ARHGAP21: variants seen among roughly 807,000 people sequenced by gnomAD.
ARHGAP21 encodes rho GTPase-activating protein 21.
Under a neutral mutation model 164.6 loss-of-function variants are expected in ARHGAP21, and 38 were observed. That is an observed-to-expected ratio of 0.23 (90% CI 0.18 to 0.30). The LOEUF (loss-of-function observed/expected upper bound fraction) is 0.30, where lower values mean the gene tolerates loss of function less well. ARHGAP21 is among the 10% of genes least tolerant of loss of function. The pLI is 1.00. For synonymous variants in ARHGAP21, 766 were observed against 857.9 expected (o/e 0.89, Z 1.87); for missense variants, 1,822 against 2,370.7 (o/e 0.77, Z 4.81).
chr10:24,657,770 G>A (rs2131632334), intron 4 of ARHGAP21, among the ~76,000 whole-genome samples: 1 of 98,538 alleles, frequency 1.0e-5, no homozygotes, highest in East Asian at 2.6e-4. Flanking sequence ...TGTGCTCTCT[G>A]AAACATGTGC....
chr10:24,598,201 G>A (rs1221547538), intron 14 of ARHGAP21, among the ~76,000 whole-genome samples, 192 bp from the exon 15 acceptor site: 1 of 152,074 alleles, frequency 6.6e-6, no homozygotes, highest in African/African-American at 2.4e-5. Context: ...TCCCAACATT[G>A]CCAAAGGGTT....
At chr10:24,602,251 T>C (rs1025118360) in intron 12 of ARHGAP21, 148 bp from the exon 13 acceptor site, 1 of 850,616 alleles carries the variant, frequency 1.2e-6, no homozygotes, top group Non-Finnish European at 1.7e-6. Context: ...TTTAAAAATT[T>C]CTAGTCTCAT....
intron 14 of ARHGAP21, among the ~76,000 whole-genome samples, chr10:24,600,317 G>T (rs2076762949): frequency 6.6e-6 from 1 of 151,956 alleles, no homozygotes. Flanking sequence ...TGTAACTTAA[G>T]CCCTACAACA....
chr10:24,636,502 A>G (rs961248379), intron 4 of ARHGAP21, among the ~76,000 whole-genome samples: 22 of 152,256 alleles, frequency 1.4e-4, no homozygotes, highest in African/African-American at 5.1e-4. Context: ...AGGCATATAC[A>G]TGTGTTGAGT....
intron 14 of ARHGAP21, among the ~76,000 whole-genome samples, chr10:24,599,161 C>T (rs7911872): frequency 0.1 from 15,779 of 152,206 alleles, 1,561 homozygotes; most frequent in East Asian, 0.3. Context: ...TGCATTATCT[C>T]ATTCAATCCT....
chr10:24,595,622 C>T, intron 19 of ARHGAP21, 95 bp downstream of exon 19: 1 of 1,290,262 alleles, frequency 7.8e-7, no homozygotes, highest in Non-Finnish European at 1.1e-6. Context: ...TTCCTTTGAC[C>T]AAGACATTTT....
chr10:24,658,205 G>A (rs1414922751), intron 4 of ARHGAP21, among the ~76,000 whole-genome samples: 2 of 152,180 alleles, frequency 1.3e-5, no homozygotes, highest in African/African-American at 2.4e-5. Context: ...AGAGAAACAG[G>A]AAAGCTTTTA....
chr10:24,617,302 C>A (rs941221701), intron 9 of ARHGAP21, among the ~76,000 whole-genome samples: 1 of 151,916 alleles, frequency 6.6e-6, no homozygotes, highest in African/African-American at 2.4e-5. Context: ...TTTACTACTC[C>A]AATGTAATCT....
Position 24,653,915 on chromosome 10 carries a change from G to GA in ARHGAP21, c.268+13069dup, listed in dbSNP as rs957141460. 1.3e-4 allele frequency among the ~76,000 whole-genome samples: 19 copies of GA among 151,716 alleles called. 1 individual carries two copies. In the South Asian group the frequency reaches 2.3e-3, roughly 18 times the overall value. On this transcript the variant is annotated intron_variant, in intron 4 of 25. Coordinates refer to ENST00000396432, the MANE Select transcript of ARHGAP21 (RefSeq NM_020824.4). ...CAGCAAAGGACATTACTAAGAAAGT[G>GA]AAAAAAAAGAAGGTGAAAAGACGAC...
intron 24 of ARHGAP21, chr10:24,589,545 C>A: frequency 2.2e-6 from 1 of 446,670 alleles, no homozygotes. Context: ...GCAAAGGAGC[C>A]CTGTGCTAAA....
chr10:24,593,553 T>G (rs938915422), intron 21 of ARHGAP21, among the ~76,000 whole-genome samples: 3 of 140,614 alleles, frequency 2.1e-5, no homozygotes, highest in African/African-American at 7.7e-5. Context: ...TAAAATAGTC[T>G]ACAGCTTATT....
chr10:24,717,791 G>A lies in ARHGAP21; in HGVS notation c.63+4046C>T, dbSNP rs370957258. Among the ~76,000 whole-genome samples, 8 of 152,226 alleles carry A rather than the reference G, an allele frequency of 5.3e-5. No individual in the cohort carries two copies. The East Asian group carries it at 5.8e-4, about 11-fold the overall frequency. On this transcript the variant is annotated intron_variant, in intron 2 of 25. Transcript: ENST00000396432. ...TAACGATCAGCTGGAGTACAGTGGCGCGATTTTGGCTACCTGCAACCTCTG... is the reference window on the plus strand; with the variant it reads ...TAACGATCAGCTGGAGTACAGTGGCACGATTTTGGCTACCTGCAACCTCTG...
At chr10:24,650,230 G>C (rs1373319840) in intron 4 of ARHGAP21, among the ~76,000 whole-genome samples, 1 of 152,154 alleles carries the variant, frequency 6.6e-6, no homozygotes, top group African/African-American at 2.4e-5. Flanking sequence ...TTGGAGCCAG[G>C]CGCAGTGGCT....
intron 24 of ARHGAP21, 168 bp from the exon 25 acceptor site, chr10:24,589,470 C>T (rs1255605849): frequency 2.4e-5 from 13 of 546,228 alleles, no homozygotes; most frequent in Non-Finnish European, 3.2e-6. Flanking sequence ...AGCTGCACCA[C>T]AGAAAGCCAC....
intron 15 of ARHGAP21, 113 bp from the exon 16 acceptor site, chr10:24,597,696 T>A: frequency 6.8e-7 from 1 of 1,460,408 alleles, no homozygotes; most frequent in Non-Finnish European, 9.2e-7. Flanking sequence ...ATTCTTGGAA[T>A]AAACAATTCA....
At chr10:24,663,026 T>C (rs764733644) in intron 4 of ARHGAP21, among the ~76,000 whole-genome samples, 63 of 151,906 alleles carry the variant, frequency 4.1e-4, no homozygotes, top group South Asian at 2.1e-4. Flanking sequence ...AAAAGCTGTG[T>C]TTCCAATACA....
intron 14 of ARHGAP21, among the ~76,000 whole-genome samples, chr10:24,599,838 A>T (rs1205088281): frequency 6.6e-6 from 1 of 152,222 alleles, no homozygotes; most frequent in African/African-American, 2.4e-5. Context: ...GTTCTGCATG[A>T]AAAAGAAATG....
rs148219422 is a variant in ARHGAP21, at chr10:24,700,742, A to C, written c.63+21095T>G. On this transcript the variant is annotated intron_variant, in intron 2 of 25. Transcript: ENST00000396432. ...GTCCTAATTTTTAAAAGGATGATAC[A>C]ATGTAAAGTAATATTTAAAGAAAAA... Among the ~76,000 whole-genome samples the C allele has an allele frequency of 3.1e-4, 47 of 152,370 alleles. No individual in the cohort carries two copies. The East Asian group carries it at 9.1e-3, about 29-fold the overall frequency.
chr10:24,682,380 A>G (rs902069751), intron 2 of ARHGAP21, among the ~76,000 whole-genome samples: 1 of 152,230 alleles, frequency 6.6e-6, no homozygotes, highest in Non-Finnish European at 1.5e-5. Context: ...TTTTCTCTAT[A>G]TGCCATGAAT....
Sources: gnomAD v4.1 joint callset for allele counts (sites outside exome capture counted in the v4.1 genomes callset) on GRCh38, gnomAD v4.1.1 for gene constraint, MANE v1.5 for transcripts, NCBI Gene and HGNC (gene_info 2026-07-23, HGNC 2026-07-21) for gene names.